TRAF3: variants seen among roughly 807,000 people sequenced by gnomAD.
TRAF3 encodes TNF receptor-associated factor 3.
TRAF3 carries 13 observed loss-of-function variants against 62.3 expected under a neutral mutation model. The observed-to-expected ratio is 0.21, with a 90% confidence interval of 0.14 to 0.33. TRAF3 has a LOEUF of 0.33. TRAF3 is among the 10% of genes least tolerant of loss of function. The pLI is 1.00. For synonymous variants in TRAF3, 269 were observed against 283.4 expected (o/e 0.95, Z 0.51); for missense variants, 440 against 741.8 (o/e 0.59, Z 4.73).
Position 102,779,269 on chromosome 14 carries a change from C to CTTTTTTTTT in TRAF3, c.-157+1615_-157+1623dup, listed in dbSNP as rs61309052. ...GAGAGCTGGCCAGGGAGAATTCCAGCTTTTTTTTTTTTTTTTTTTTTTTTT... is the reference window on the plus strand; with the variant it reads ...GAGAGCTGGCCAGGGAGAATTCCAGCTTTTTTTTTTTTTTTTTTTTTTTTTTTTTTTTTT... On this transcript the variant is annotated intron_variant, in intron 1 of 11. Transcript: ENST00000392745. Among the ~76,000 whole-genome samples the CTTTTTTTTT allele has an allele frequency of 3.4e-4, 42 of 123,418 alleles. 2 individuals carry two copies. Among genetic ancestry groups the CTTTTTTTTT allele is most frequent in the African/African-American group, 1.1e-3 (32 of 28,490 alleles). 81.0% of individuals were successfully genotyped at this position (123,418 alleles called of 152,430 possible). A position where few individuals can be genotyped will look rare whatever the true frequency, so the allele number is the denominator to read the frequency against.
intron 2 of TRAF3, among the ~76,000 whole-genome samples, chr14:102,839,686 C>T (rs1886260902): frequency 6.6e-6 from 1 of 152,154 alleles, no homozygotes; most frequent in African/African-American, 2.4e-5. Flanking sequence ...TTTGCAGTCA[C>T]AACATCTTTG....
chr14:102,822,559 G>A (rs926910113), intron 1 of TRAF3, among the ~76,000 whole-genome samples: 8 of 152,298 alleles, frequency 5.3e-5, no homozygotes, highest in African/African-American at 1.9e-4. Context: ...TAAGTTAACA[G>A]GAGTATCTTC....
chr14:102,797,658 A>G (rs1566741820), intron 1 of TRAF3, among the ~76,000 whole-genome samples: 1 of 152,208 alleles, frequency 6.6e-6, no homozygotes, highest in Non-Finnish European at 1.5e-5. Context: ...TTGCTGTGAA[A>G]ATAAAATAAT....
At chr14:102,846,516 T>C (rs1886730182) in intron 2 of TRAF3, among the ~76,000 whole-genome samples, 1 of 151,512 alleles carries the variant, frequency 6.6e-6, no homozygotes, top group Non-Finnish European at 1.5e-5. Flanking sequence ...TGATAAACCA[T>C]AAAAGTTAAA....
intron 8 of TRAF3, 29 bp downstream of exon 8, chr14:102,889,663 T>TGC: frequency 6.2e-7 from 1 of 1,609,502 alleles, no homozygotes; most frequent in Non-Finnish European, 8.5e-7. Context: ...TCCTTCCCAG[T>TGC]CACTGACATT....
intron 2 of TRAF3, among the ~76,000 whole-genome samples, chr14:102,863,972 T>C (rs1007960178): frequency 2.0e-5 from 3 of 152,130 alleles, no homozygotes; most frequent in Non-Finnish European, 4.4e-5. Flanking sequence ...TCTTGTCTTC[T>C]AGGCCACTGC....
intron 2 of TRAF3, chr14:102,865,958 A>G (rs1380007223): frequency 1.3e-5 from 2 of 152,254 alleles, no homozygotes; most frequent in Non-Finnish European, 2.9e-5. Context: ...GCAGTTCCGT[A>G]TTTTTAAAAC....
chr14:102,869,898 A>G (rs1046167364), intron 2 of TRAF3, among the ~76,000 whole-genome samples: 3 of 151,906 alleles, frequency 2.0e-5, no homozygotes, highest in Non-Finnish European at 2.9e-5. Flanking sequence ...GCAACCTTCA[A>G]CTCCTGGGCT....
At chr14:102,839,862 C>T (rs946018755) in intron 2 of TRAF3, among the ~76,000 whole-genome samples, 2 of 152,162 alleles carry the variant, frequency 1.3e-5, no homozygotes, top group African/African-American at 4.8e-5. Context: ...CTGTTAGCTG[C>T]AAATAGTGAG....
At position 102,798,637 on chromosome 14, in the gene TRAF3, C is replaced by G. The variant is rs185630500; in HGVS notation, c.-157+20962C>G. Among the ~76,000 whole-genome samples, 452 of 152,236 alleles carry G rather than the reference C, an allele frequency of 3.0e-3. 2 individuals carry two copies. The highest frequency in any genetic ancestry group is 7.2e-3 in the African/African-American group (300 of 41,530). On this transcript the variant is annotated intron_variant, in intron 1 of 11. Transcript: ENST00000392745. ...TCTGGGCGACAGAGCGAGACCCTGT[C>G]TCAAAAACAAAATTTTTTTTGTAGA... is the stretch of plus-strand genomic sequence containing the variant.
At chr14:102,870,869 A>G (rs952768853) in intron 3 of TRAF3, among the ~76,000 whole-genome samples, 1 of 152,158 alleles carries the variant, frequency 6.6e-6, no homozygotes, top group African/African-American at 2.4e-5. Flanking sequence ...TCCCTACCCG[A>G]GCAGAAACCT....
chr14:102,885,015 C>T (rs1889293648), intron 6 of TRAF3, among the ~76,000 whole-genome samples: 2 of 152,122 alleles, frequency 1.3e-5, no homozygotes, highest in South Asian at 4.1e-4. Flanking sequence ...CAGAAAGTTA[C>T]TGAGTGGCCT....
chr14:102,876,248 A>G (rs1178053850), intron 5 of TRAF3, 110 bp from the exon 6 acceptor site: 3 of 1,199,734 alleles, frequency 2.5e-6, no homozygotes, highest in Non-Finnish European at 3.6e-6. Flanking sequence ...CTGGTCTAAC[A>G]GCAGATGAGA....
At chr14:102,795,379 G>T (rs1452401453) in intron 1 of TRAF3, among the ~76,000 whole-genome samples, 1 of 152,164 alleles carries the variant, frequency 6.6e-6, no homozygotes, top group African/African-American at 2.4e-5. Context: ...TTCCATGAGT[G>T]CCCCTTGCTT....
chr14:102,884,416 A>T (rs1045896991), intron 6 of TRAF3, among the ~76,000 whole-genome samples: 2 of 152,256 alleles, frequency 1.3e-5, no homozygotes, highest in Non-Finnish European at 2.9e-5. Context: ...TTTGGAGGAC[A>T]TTATTGAACT....
At position 102,894,311 on chromosome 14, in the gene TRAF3, A is replaced by G. The variant is rs535529501; in HGVS notation, c.819+2894A>G. ...CACTGCATTCCAGCCTGGGTGACAGAGTGAGACTCGTCTCCAAAAAAAAAG... is the reference window on the plus strand; with the variant it reads ...CACTGCATTCCAGCCTGGGTGACAGGGTGAGACTCGTCTCCAAAAAAAAAG... On this transcript the variant is annotated intron_variant, in intron 9 of 11. Transcript: ENST00000392745. Among the ~76,000 whole-genome samples the G allele has an allele frequency of 4.6e-5, 7 of 152,274 alleles. No homozygotes were observed. In the South Asian group the frequency reaches 1.5e-3, roughly 32 times the overall value.
At position 102,911,422 on chromosome 14, in the gene TRAF3, T is replaced by G. The variant is rs886955970; in HGVS notation, c.*5638T>G. On this transcript the variant is annotated 3_prime_UTR_variant, in exon 12 of 12. Coordinates refer to ENST00000392745, the MANE Select transcript of TRAF3 (RefSeq NM_145725.3). Reference sequence around the variant, plus strand: ...TGTTTCTGATGCTAATAACTAAAGTTTGTAAGACTGTAGAATGCAAAACTC... The same window carrying G: ...TGTTTCTGATGCTAATAACTAAAGTGTGTAAGACTGTAGAATGCAAAACTC... 4 of 152,252 alleles carry G rather than the reference T, an allele frequency of 2.6e-5. No individual in the cohort carries two copies. The highest frequency in any genetic ancestry group is 5.9e-5 in the Non-Finnish European group (4 of 68,044). The allele number at this position is 152,252 out of a possible 1,614,324, so 9.4% of individuals were successfully genotyped here.
At chr14:102,824,246 G>T (rs1251325596) in intron 1 of TRAF3, among the ~76,000 whole-genome samples, 1 of 152,194 alleles carries the variant, frequency 6.6e-6, no homozygotes, top group African/African-American at 2.4e-5. Flanking sequence ...GCGACTTCTT[G>T]TGTCATGTTT....
intron 1 of TRAF3, among the ~76,000 whole-genome samples, chr14:102,814,926 C>CCTTTT (rs1046195222): frequency 6.6e-6 from 1 of 152,004 alleles, no homozygotes; most frequent in African/African-American, 2.4e-5. Context: ...CTTTTGGTAT[C>CCTTTT]CTTTTCTTTT....
Sources: gnomAD v4.1 joint callset for allele counts (sites outside exome capture counted in the v4.1 genomes callset) on GRCh38, gnomAD v4.1.1 for gene constraint, MANE v1.5 for transcripts, NCBI Gene and HGNC (gene_info 2026-07-23, HGNC 2026-07-21) for gene names.